DDRGK1: variants seen among roughly 807,000 people sequenced by gnomAD.
DDRGK1 encodes DDRGK domain-containing protein 1.
A neutral mutation model predicts 45.8 loss-of-function variants in DDRGK1; 38 were observed. That is an observed-to-expected ratio of 0.83 (90% CI 0.64 to 1.09). DDRGK1 has a LOEUF of 1.09. Ranked by LOEUF, DDRGK1 falls within the 50% of genes least tolerant of loss-of-function variation. DDRGK1 has a pLI of 0.00. For missense variants in DDRGK1, 403 were observed against 419.9 expected, an observed-to-expected ratio of 0.96 and a Z score of 0.35; for synonymous variants, 171 against 168.7, an observed-to-expected ratio of 1.01 and a Z score of -0.11.
intron 2 of DDRGK1, 46 bp from the exon 3 acceptor site, chr20:3,200,500 A>C: frequency 6.6e-7 from 1 of 1,521,698 alleles, no homozygotes; most frequent in Non-Finnish European, 8.9e-7. Flanking sequence ...ACCAGAGAGG[A>C]CTGATGACGA....
intron 2 of DDRGK1, among the ~76,000 whole-genome samples, chr20:3,202,309 T>A (rs554368843): frequency 6.6e-6 from 1 of 152,308 alleles, no homozygotes; most frequent in Non-Finnish European, 1.5e-5. Flanking sequence ...ACCTTAAATA[T>A]CCTGGCTAAT....
intron 6 of DDRGK1, among the ~76,000 whole-genome samples, chr20:3,192,346 C>G (rs866717897): frequency 6.6e-6 from 1 of 152,168 alleles, no homozygotes; most frequent in Non-Finnish European, 1.5e-5. Flanking sequence ...AAGCCATAGT[C>G]CCCGCCCTGG....
rs1166486866 is a variant in DDRGK1, at chr20:3,198,518, T to C, written c.510+1483A>G. ...GAGTTCGAGACCAGCCTGACCAACA[T>C]AGAGAAACCCCGTCTCTACTAAAAA... On this transcript the variant is annotated intron_variant, in intron 4 of 8. Coordinates refer to ENST00000354488, the MANE Select transcript of DDRGK1 (RefSeq NM_023935.3). Among the ~76,000 whole-genome samples, 12 of 147,150 alleles carry C rather than the reference T, an allele frequency of 8.2e-5. No homozygotes were observed. The Admixed American group carries it at 8.3e-4, about 10-fold the overall frequency.
chr20:3,203,423 G>T lies in DDRGK1; in HGVS notation c.92-7C>A. On this transcript the variant is annotated splice_polypyrimidine_tract_variant and splice_region_variant and intron_variant, in intron 1 of 8. Transcript: ENST00000354488. ...TGCAGTGGCTCTTGGCCGGCTGTAG[G>T]GAAGACAGAAATGACAATGCTGCCT... 1 of 1,546,720 alleles carries T rather than the reference G, an allele frequency of 6.5e-7. No homozygotes were observed. The highest frequency in any genetic ancestry group is 8.7e-7 in the Non-Finnish European group (1 of 1,147,148).
intron 4 of DDRGK1, among the ~76,000 whole-genome samples, chr20:3,196,635 T>C (rs868206391): frequency 1.3e-5 from 2 of 152,078 alleles, no homozygotes; most frequent in East Asian, 1.9e-4. Flanking sequence ...GAGCCGAGAC[T>C]GTGCCACTGC....
chr20:3,200,481 C>A, intron 2 of DDRGK1, 27 bp from the exon 3 acceptor site: 1 of 1,549,370 alleles, frequency 6.5e-7, no homozygotes, highest in South Asian at 1.2e-5. Context: ...AAAGACAGTT[C>A]AGGTTCTGAC....
At chr20:3,191,724 C>A in intron 7 of DDRGK1, 41 bp downstream of exon 7, 1 of 1,575,230 alleles carries the variant, frequency 6.3e-7, no homozygotes, top group Non-Finnish European at 8.6e-7. Flanking sequence ...CCACAGACCC[C>A]TGGCCACACT....
chr20:3,191,839 AAAAG>A lies in DDRGK1; in HGVS notation c.673-22_673-19del. On this transcript the variant is annotated intron_variant, in intron 6 of 8. Transcript: ENST00000354488. ...TTGGACTGCTACAAAAAGAAGGAGG[AAAAG>A]AAAGAGAGGCTGAGCTTGGGCAAAT... 6.2e-7 allele frequency: 1 copy of A among 1,602,168 alleles called. No individual in the cohort carries two copies. Among genetic ancestry groups the A allele is most frequent in the South Asian group, 1.1e-5 (1 of 89,052 alleles).
Position 3,195,335 on chromosome 20 carries a change from C to A in DDRGK1, c.529G>T (p.Ala177Ser), listed in dbSNP as rs2122232409. 1.2e-6 allele frequency: 2 copies of A among 1,605,304 alleles called. No individual in the cohort carries two copies. Among genetic ancestry groups the A allele is most frequent in the African/African-American group, 2.7e-5 (2 of 74,880 alleles). The change falls in exon 5 of 9, where the codon GCC becomes TCC. Residue 177 changes from alanine (A) to serine (S), a missense_variant. By Grantham distance (99) the Ala-to-Ser change is moderately conservative (BLOSUM62 1). Transcript: ENST00000354488. ...TCCCGCTGGGCCTGCTCCTCGCGGG[C>A]CTTCCTCTCCTCCTCCTCCTGTGGA... ...EEQKEEEERK[A>S]REEQAQREHE... is the part of the protein sequence containing the mutation.
At chr20:3,196,093 C>T (rs909964033) in intron 4 of DDRGK1, among the ~76,000 whole-genome samples, 23 of 152,266 alleles carry the variant, frequency 1.5e-4, no homozygotes, top group African/African-American at 4.8e-4. Flanking sequence ...TAGCCCCACC[C>T]GAATCTCTTC....
chr20:3,196,000 C>A (rs1465201978), intron 4 of DDRGK1, among the ~76,000 whole-genome samples: 2 of 152,110 alleles, frequency 1.3e-5, no homozygotes, highest in African/African-American at 4.8e-5. Context: ...AGCCCTGCCT[C>A]TTCTCTCTCC....
In DDRGK1 at chr20:3,200,055, G is replaced by GACT; in HGVS notation, c.455_456insAGT (p.Arg152_Glu153insVal). The GACT allele has an allele frequency of 6.2e-7, 1 of 1,613,834 alleles. No homozygotes were observed. Among genetic ancestry groups the GACT allele is most frequent in the Non-Finnish European group, 8.5e-7 (1 of 1,179,976 alleles). On this transcript the variant is annotated inframe_insertion, in exon 4 of 9. Transcript: ENST00000354488. Reference sequence around the variant, plus strand: ...CCTCCTCCTTCTTCCACTCAGCTTCGCGCTGGGACTCGAGTCGTTTCCGCT... The same window carrying GACT: ...CCTCCTCCTTCTTCCACTCAGCTTCGACTCGCTGGGACTCGAGTCGTTTCCGCT...
At chr20:3,199,408 C>T (rs8113963) in intron 4 of DDRGK1, among the ~76,000 whole-genome samples, 17,992 of 152,206 alleles carry the variant, frequency 0.12, 1,431 homozygotes, top group Non-Finnish European at 0.17. Context: ...ATCCAGGCTT[C>T]CTGCCATCCA....
intron 2 of DDRGK1, among the ~76,000 whole-genome samples, chr20:3,200,699 C>T (rs190649485): frequency 6.6e-6 from 1 of 152,176 alleles, no homozygotes; most frequent in East Asian, 1.9e-4. Context: ...AACTTTAGGC[C>T]GGGCACGGTG....
At chr20:3,196,539 G>A (rs1421193606) in intron 4 of DDRGK1, among the ~76,000 whole-genome samples, 3 of 101,906 alleles carry the variant, frequency 2.9e-5, no homozygotes, top group Non-Finnish European at 4.4e-5. Context: ...AAATTAGCCG[G>A]GCGTGGTGGT....
Position 3,204,649 on chromosome 20 carries a change from C to G in DDRGK1, c.-22G>C. 4 of 1,559,970 alleles carry G rather than the reference C, an allele frequency of 2.6e-6. No homozygotes were observed. Among genetic ancestry groups the G allele is most frequent in the Non-Finnish European group, 2.6e-6 (3 of 1,157,002 alleles). On this transcript the variant is annotated 5_prime_UTR_variant, in exon 1 of 9. Coordinates refer to ENST00000354488, the MANE Select transcript of DDRGK1 (RefSeq NM_023935.3). The stretch of plus-strand genomic sequence containing the variant: ...CCATGACGAGGGCCTCAGTGCAGAA[C>G]CACTGCGTCCACCCTGAGGCCGGGA...
intron 6 of DDRGK1, among the ~76,000 whole-genome samples, chr20:3,193,743 C>A (rs2066998685): frequency 6.6e-6 from 1 of 152,124 alleles, no homozygotes; most frequent in Non-Finnish European, 1.5e-5. Context: ...AGGGAGCCAC[C>A]AAAAGTGAGG....
rs374786769 is a variant in DDRGK1 at position 3,200,459 on chromosome 20, G to A, written c.296-5C>T. On this transcript the variant is annotated splice_polypyrimidine_tract_variant and splice_region_variant and intron_variant, in intron 2 of 8. Transcript: ENST00000354488. Reference sequence around the variant, plus strand: ...CGACACCTTCCTCCTCCTGGGCTGGGTATGGTCAAAGAAAGACAGTTCAGG... The same window carrying A: ...CGACACCTTCCTCCTCCTGGGCTGGATATGGTCAAAGAAAGACAGTTCAGG... The A allele has an allele frequency of 6.4e-7, 1 of 1,564,088 alleles. No homozygotes were observed. Among genetic ancestry groups the A allele is most frequent in the Non-Finnish European group, 8.7e-7 (1 of 1,153,470 alleles).
At chr20:3,196,408 T>A (rs1357483201) in intron 4 of DDRGK1, among the ~76,000 whole-genome samples, 1 of 152,292 alleles carries the variant, frequency 6.6e-6, no homozygotes, top group East Asian at 1.9e-4. Flanking sequence ...CCGGGCGTGG[T>A]GGCTCACGCC....
Sources: allele counts gnomAD v4.1 joint callset (sites outside exome capture counted in the v4.1 genomes callset), GRCh38; gene constraint gnomAD v4.1.1; transcripts MANE v1.5; gene names NCBI Gene and HGNC (gene_info 2026-07-23, HGNC 2026-07-21).